ZFPM2: variants seen among roughly 807,000 people sequenced by gnomAD.
The protein encoded by ZFPM2 is zinc finger protein ZFPM2.
In ZFPM2, 20 loss-of-function variants were observed where a neutral mutation model predicts 98.6. The ratio of observed to expected loss-of-function variants is 0.20; its 90% CI spans 0.14 to 0.29. ZFPM2 has a LOEUF of 0.29. Ranked by LOEUF, ZFPM2 falls within the 10% of genes least tolerant of loss-of-function variation. ZFPM2 has a pLI of 1.00. For synonymous variants in ZFPM2, 518 were observed against 502.7 expected (o/e 1.03, Z -0.41); for missense variants, 1,310 against 1,388.6 (o/e 0.94, Z 0.90).
At chr8:105,323,222 TG>T (rs1434181380) in intron 1 of ZFPM2, among the ~76,000 whole-genome samples, 8 of 152,052 alleles carry the variant, frequency 5.3e-5, no homozygotes, top group Non-Finnish European at 2.9e-5. Context: ...TTTTTAAAAA[TG>T]TTTTGGGAAT....
In ZFPM2 at chr8:105,710,720, T is replaced by A. The variant is rs1320581667; in HGVS notation, c.532+76363T>A. 2.7e-5 allele frequency among the ~76,000 whole-genome samples: 4 copies of A among 149,690 alleles called. No individual in the cohort carries two copies. In the South Asian group the frequency reaches 8.4e-4, roughly 32 times the overall value. On this transcript the variant is annotated intron_variant, in intron 5 of 7. Transcript: ENST00000407775. ...GTGTGTGTATGTGTGTGTGGGGGGG[T>A]GTATGTGTGTGCAGTGGTTATTAGA...
chr8:105,457,594 A>G (rs1210373911), intron 3 of ZFPM2, among the ~76,000 whole-genome samples: 1 of 152,216 alleles, frequency 6.6e-6, no homozygotes, highest in Admixed American at 6.5e-5. Context: ...CTGATGAGGT[A>G]ACACAGGAAA....
intron 5 of ZFPM2, among the ~76,000 whole-genome samples, chr8:105,773,387 A>C (rs1216548785): frequency 6.6e-6 from 1 of 152,158 alleles, no homozygotes; most frequent in Non-Finnish European, 1.5e-5. Context: ...TCCATATTTT[A>C]GAATAGACCA....
At chr8:105,632,477 C>T (rs1414445859) in intron 4 of ZFPM2, among the ~76,000 whole-genome samples, 1 of 152,046 alleles carries the variant, frequency 6.6e-6, no homozygotes, top group Admixed American at 6.6e-5. Flanking sequence ...ACCACCAGAT[C>T]CTGATCTATG....
chr8:105,690,360 A>G (rs944040882), intron 5 of ZFPM2, among the ~76,000 whole-genome samples: 16 of 152,222 alleles, frequency 1.1e-4, no homozygotes, highest in African/African-American at 3.6e-4. Context: ...TTCTCACTTA[A>G]CAATTGAGGA....
intron 3 of ZFPM2, among the ~76,000 whole-genome samples, chr8:105,547,986 G>GT (rs139498098): frequency 0.052 from 7,772 of 148,572 alleles, 279 homozygotes; most frequent in African/African-American, 0.11. Context: ...TGAAGTTTTG[G>GT]TTTTTTTTTT....
intron 3 of ZFPM2, among the ~76,000 whole-genome samples, chr8:105,532,458 A>G (rs1814317387): frequency 6.6e-6 from 1 of 152,156 alleles, no homozygotes; most frequent in Non-Finnish European, 1.5e-5. Context: ...TTCAATTGCT[A>G]TTAATTTTTG....
intron 6 of ZFPM2, among the ~76,000 whole-genome samples, chr8:105,789,271 T>G (rs369004648): frequency 2.6e-5 from 4 of 152,038 alleles, no homozygotes; most frequent in East Asian, 1.9e-4. Context: ...GAGTGTGATG[T>G]TCCCCTTCCT....
chr8:105,338,243 CA>C (rs1412899491), intron 1 of ZFPM2, among the ~76,000 whole-genome samples: 1 of 151,500 alleles, frequency 6.6e-6, no homozygotes, highest in Non-Finnish European at 1.5e-5. Flanking sequence ...CTCTTCCTTC[CA>C]AATAGGGAAA....
intron 2 of ZFPM2, among the ~76,000 whole-genome samples, chr8:105,426,165 A>ACTTTTTTC (rs1811904391): frequency 6.6e-6 from 1 of 152,158 alleles, no homozygotes; most frequent in African/African-American, 2.4e-5. Context: ...TTTACAGGCA[A>ACTTTTTTC]CTTTTTTCCT....
At chr8:105,405,453 T>C (rs1239425761) in intron 1 of ZFPM2, among the ~76,000 whole-genome samples, 5 of 94,700 alleles carry the variant, frequency 5.3e-5, no homozygotes, top group Non-Finnish European at 7.8e-5. Context: ...CAACAGTCCC[T>C]GGTGTGTGAT....
intron 5 of ZFPM2, among the ~76,000 whole-genome samples, chr8:105,642,995 G>A (rs531575163): frequency 4.6e-5 from 7 of 152,240 alleles, no homozygotes; most frequent in Admixed American, 3.9e-4. Flanking sequence ...TGAGGAGCAG[G>A]CCTCCAAAAG....
intron 1 of ZFPM2, among the ~76,000 whole-genome samples, chr8:105,403,243 T>G (rs1416362270): frequency 2.0e-5 from 3 of 152,108 alleles, no homozygotes; most frequent in African/African-American, 4.8e-5. Flanking sequence ...ATTTTCTATT[T>G]AGTTAAATGT....
At chr8:105,695,009 T>C (rs146399328) in intron 5 of ZFPM2, among the ~76,000 whole-genome samples, 1 of 152,154 alleles carries the variant, frequency 6.6e-6, no homozygotes, top group African/African-American at 2.4e-5. Context: ...CAAGTACTGT[T>C]TTTATCCCCA....
intron 2 of ZFPM2, among the ~76,000 whole-genome samples, chr8:105,429,452 A>G (rs1811977029): frequency 6.7e-6 from 1 of 150,208 alleles, no homozygotes; most frequent in Non-Finnish European, 1.5e-5. Context: ...GGAAATATAT[A>G]TATATATATA....
chr8:105,789,859 GT>G (rs1380588337), intron 6 of ZFPM2, among the ~76,000 whole-genome samples: 2 of 150,464 alleles, frequency 1.3e-5, no homozygotes, highest in Non-Finnish European at 3.0e-5. Context: ...TTTTTCATGT[GT>G]TTTTTGGCTG....
chr8:105,705,728 A>C (rs1050818856), intron 5 of ZFPM2, among the ~76,000 whole-genome samples: 1 of 152,184 alleles, frequency 6.6e-6, no homozygotes, highest in Admixed American at 6.5e-5. Context: ...ACCCTGGGTG[A>C]AAATGGACCC....
chr8:105,803,619 G>A lies in ZFPM2; in HGVS notation c.*81G>A. The A allele has an allele frequency of 1.4e-6, 2 of 1,381,470 alleles. No homozygotes were observed. Among genetic ancestry groups the A allele is most frequent in the South Asian group, 2.6e-5 (2 of 77,960 alleles). The allele number at this position is 1,381,470 out of a possible 1,614,324, so 85.6% of individuals were successfully genotyped here. The stretch of plus-strand genomic sequence containing the variant: ...GTCCAGAAAAAAAAATAAGCTGTTT[G>A]AATTACATCTGGGCAATCAGGAGAT... On this transcript the variant is annotated 3_prime_UTR_variant, in exon 8 of 8. Transcript: ENST00000407775.
chr8:105,377,626 A>AAAAAAAAC (rs1810756089), intron 1 of ZFPM2, among the ~76,000 whole-genome samples: 1 of 149,132 alleles, frequency 6.7e-6, no homozygotes. Flanking sequence ...AAAAAAAAAA[A>AAAAAAAAC]AAAAAAAGCC....
Sources: allele counts gnomAD v4.1 joint callset (sites outside exome capture counted in the v4.1 genomes callset), GRCh38; gene constraint gnomAD v4.1.1; transcripts MANE v1.5; gene names NCBI Gene and HGNC (gene_info 2026-07-23, HGNC 2026-07-21).